Variants in EYA4 observed in about 807,000 individuals in gnomAD.
The protein encoded by EYA4 is EYA transcriptional coactivator and phosphatase 4.
EYA4 carries 31 observed loss-of-function variants against 87.9 expected under a neutral mutation model. The ratio of observed to expected loss-of-function variants is 0.35; its 90% CI spans 0.27 to 0.48. EYA4 has a LOEUF of 0.48. EYA4 is among the 20% of genes least tolerant of loss of function. The pLI is 0.99. For synonymous variants in EYA4, 263 were observed against 270.6 expected (o/e 0.97, Z 0.28); for missense variants, 678 against 761.4 (o/e 0.89, Z 1.29).
At chr6:133,277,087 A>G (rs1218369592) in intron 2 of EYA4, among the ~76,000 whole-genome samples, 1 of 152,194 alleles carries the variant, frequency 6.6e-6, no homozygotes, top group Non-Finnish European at 1.5e-5. Flanking sequence ...TAAAGTTCAT[A>G]GTTAGATGAA....
chr6:133,507,714 T>G (rs1005026945), intron 14 of EYA4, among the ~76,000 whole-genome samples: 14 of 152,358 alleles, frequency 9.2e-5, no homozygotes, highest in African/African-American at 3.4e-4. Context: ...CTCATCATTT[T>G]TTATGGCTGC....
intron 13 of EYA4, among the ~76,000 whole-genome samples, chr6:133,493,085 G>A (rs1200363444): frequency 6.6e-6 from 1 of 151,834 alleles, no homozygotes; most frequent in South Asian, 2.1e-4. Flanking sequence ...ATTCTTCACA[G>A]AAAAAAACAA....
intron 1 of EYA4, 52 bp from the exon 2 acceptor site, chr6:133,274,664 A>C (rs1187126681): frequency 8.1e-6 from 7 of 860,938 alleles, no homozygotes; most frequent in South Asian, 1.4e-5. Context: ...TAACCTTACA[A>C]ATGAATATAA....
chr6:133,347,606 CT>C (rs1783292894), intron 2 of EYA4, among the ~76,000 whole-genome samples: 1 of 152,272 alleles, frequency 6.6e-6, no homozygotes, highest in African/African-American at 2.4e-5. Flanking sequence ...TTGCTAACCC[CT>C]ATTATGCATT....
chr6:133,331,039 T>TC (rs1175266729), intron 2 of EYA4, among the ~76,000 whole-genome samples: 2 of 151,062 alleles, frequency 1.3e-5, no homozygotes, highest in Admixed American at 6.6e-5. Context: ...TTTTTTTTTT[T>TC]TTTTTTTTTG....
intron 2 of EYA4, among the ~76,000 whole-genome samples, chr6:133,330,549 T>TTATATA (rs1284047392): frequency 2.7e-3 from 362 of 134,762 alleles, no homozygotes; most frequent in African/African-American, 9.0e-3. Flanking sequence ...ATACTGAGAT[T>TTATATA]TATATATATA....
At chr6:133,337,909 G>A (rs150575557) in intron 2 of EYA4, among the ~76,000 whole-genome samples, 35 of 152,228 alleles carry the variant, frequency 2.3e-4, no homozygotes, top group African/African-American at 7.7e-4. Flanking sequence ...GGAGAATTTC[G>A]CAGATTGGGG....
chr6:133,510,525 T>A (rs1799052768), intron 14 of EYA4: 1 of 275,108 alleles, frequency 3.6e-6, no homozygotes, highest in Non-Finnish European at 7.4e-6. Context: ...ATCTCTCCAC[T>A]CTTTTCCTTA....
At chr6:133,305,813 G>A (rs1054034566) in intron 2 of EYA4, among the ~76,000 whole-genome samples, 2 of 152,178 alleles carry the variant, frequency 1.3e-5, no homozygotes, top group Non-Finnish European at 2.9e-5. Context: ...AACCAGGTCT[G>A]TCTTTTTCAA....
intron 2 of EYA4, among the ~76,000 whole-genome samples, chr6:133,372,135 G>A (rs1386752818): frequency 6.6e-6 from 1 of 152,038 alleles, no homozygotes; most frequent in Non-Finnish European, 1.5e-5. Flanking sequence ...ATAAGCTTCT[G>A]CATATAAAAA....
At chr6:133,365,001 A>G (rs899772394) in intron 2 of EYA4, among the ~76,000 whole-genome samples, 1 of 152,188 alleles carries the variant, frequency 6.6e-6, no homozygotes, top group African/African-American at 2.4e-5. Flanking sequence ...TCAGGATATC[A>G]TCCTGACCAT....
chr6:133,282,580 A>ATG (rs200522050), intron 2 of EYA4, among the ~76,000 whole-genome samples: 2,701 of 117,192 alleles, frequency 0.023, 36 homozygotes, highest in South Asian at 0.082. Flanking sequence ...TATGACACAT[A>ATG]TGTGTGTGTA....
intron 8 of EYA4, 35 bp from the exon 9 acceptor site, chr6:133,462,586 A>G: frequency 1.2e-6 from 2 of 1,613,666 alleles, no homozygotes; most frequent in African/African-American, 1.3e-5. Context: ...TCATCTTACT[A>G]ATTAAATGGT....
intron 2 of EYA4, among the ~76,000 whole-genome samples, chr6:133,343,536 TACCACC>T (rs1279302235): frequency 6.7e-6 from 1 of 149,644 alleles, no homozygotes; most frequent in African/African-American, 2.5e-5. Context: ...AGCTCAACAA[TACCACC>T]ACCACCACCA....
chr6:133,258,618 A>G (rs1479318371), intron 1 of EYA4, among the ~76,000 whole-genome samples: 1 of 152,084 alleles, frequency 6.6e-6, no homozygotes, highest in East Asian at 1.9e-4. Context: ...TTAGTGGGCA[A>G]CTTTTTTGGC....
At chr6:133,370,807 T>C (rs1249487046) in intron 2 of EYA4, among the ~76,000 whole-genome samples, 3 of 151,194 alleles carry the variant, frequency 2.0e-5, no homozygotes, top group Non-Finnish European at 2.9e-5. Context: ...TTGATAGATA[T>C]GTCATATTTT....
rs186055654 is a variant in EYA4, at chr6:133,348,152, A to G, written c.34-34240A>G. Among the ~76,000 whole-genome samples, 26 of 152,172 alleles carry G rather than the reference A, an allele frequency of 1.7e-4. No homozygotes were observed. In the East Asian group the frequency reaches 3.5e-3, roughly 20 times the overall value. On this transcript the variant is annotated intron_variant, in intron 2 of 19. Coordinates refer to ENST00000355286, the MANE Select transcript of EYA4 (RefSeq NM_004100.5). Reference sequence around the variant, plus strand: ...TCACTCCTTCAACAGTGAGTAATGCAAAGTTTTCTACCCATTCTTGCTTAA... The same window carrying G: ...TCACTCCTTCAACAGTGAGTAATGCGAAGTTTTCTACCCATTCTTGCTTAA...
At chr6:133,294,783 G>A (rs1047997006) in intron 2 of EYA4, among the ~76,000 whole-genome samples, 6 of 152,002 alleles carry the variant, frequency 3.9e-5, no homozygotes, top group African/African-American at 7.2e-5. Flanking sequence ...GTTTCACCAC[G>A]TTGGCCAGAC....
chr6:133,398,029 C>T (rs946382590), intron 3 of EYA4, among the ~76,000 whole-genome samples: 1 of 152,084 alleles, frequency 6.6e-6, no homozygotes, highest in Non-Finnish European at 1.5e-5. Context: ...TCCCCTATGG[C>T]CATACATTGT....
Sources: gnomAD v4.1 joint callset for allele counts (sites outside exome capture counted in the v4.1 genomes callset) on GRCh38, gnomAD v4.1.1 for gene constraint, MANE v1.5 for transcripts, NCBI Gene and HGNC (gene_info 2026-07-23, HGNC 2026-07-21) for gene names.